The following SCAPER variants were observed in gnomAD, a reference collection of about 807,000 sequenced individuals.
SCAPER encodes the protein S-phase cyclin A associated protein in the ER.
SCAPER carries 98 observed loss-of-function variants against 182.2 expected under a neutral mutation model. That is an observed-to-expected ratio of 0.54 (90% CI 0.46 to 0.64). The LOEUF is 0.64. Ranked by LOEUF, SCAPER falls within the 30% of genes least tolerant of loss-of-function variation. The pLI is 0.00. For missense variants in SCAPER, 1,432 were observed against 1,690.0 expected (o/e 0.85, Z 2.68); for synonymous variants, 605 against 564.6 (o/e 1.07, Z -1.01).
chr15:76,547,177 C>T (rs1463506331), intron 23 of SCAPER, among the ~76,000 whole-genome samples: 5 of 152,114 alleles, frequency 3.3e-5, no homozygotes, highest in South Asian at 4.1e-4. Context: ...TACAGGTTTC[C>T]GTTTCCCCAT....
rs528957516 is a variant in SCAPER, at chr15:76,850,382, A to G, written c.195+7427T>C. Reference sequence around the variant, plus strand: ...TGAATGCAGAACAGTCACCCCAGCCATGGCTGAGCATACCCACTGTTAGTG... The same window carrying G: ...TGAATGCAGAACAGTCACCCCAGCCGTGGCTGAGCATACCCACTGTTAGTG... On this transcript the variant is annotated intron_variant, in intron 4 of 31. Coordinates refer to ENST00000563290, the MANE Select transcript of SCAPER (RefSeq NM_020843.4). Among the ~76,000 whole-genome samples the G allele has an allele frequency of 2.0e-5, 3 of 152,322 alleles. No individual in the cohort carries two copies. The East Asian group carries it at 5.8e-4, about 29-fold the overall frequency.
At chr15:76,521,674 C>T (rs2042848386) in intron 23 of SCAPER, among the ~76,000 whole-genome samples, 1 of 152,132 alleles carries the variant, frequency 6.6e-6, no homozygotes, top group African/African-American at 2.4e-5. Flanking sequence ...AAAAACACAA[C>T]TTGTTGAAAT....
chr15:76,409,395 GTCTC>G lies in SCAPER; in HGVS notation c.3312-4720_3312-4717del, dbSNP rs145678923. Among the ~76,000 whole-genome samples the G allele has an allele frequency of 1.1e-4, 16 of 152,150 alleles. No individual in the cohort carries two copies. The East Asian group carries it at 3.1e-3, about 29-fold the overall frequency. On this transcript the variant is annotated intron_variant, in intron 26 of 31. Transcript: ENST00000563290. ...GCTGCTGTAAATGATAAATAAATGG[GTCTC>G]TCCATTTGCTTTGCCATTTGAAATT...
intron 7 of SCAPER, among the ~76,000 whole-genome samples, chr15:76,799,016 T>C (rs375141245): frequency 6.6e-6 from 1 of 152,178 alleles, no homozygotes; most frequent in Non-Finnish European, 1.5e-5. Flanking sequence ...ATGTAGTTTT[T>C]GTTTGTAGCT....
At chr15:76,589,118 T>C (rs563112839) in intron 22 of SCAPER, among the ~76,000 whole-genome samples, 20 of 152,226 alleles carry the variant, frequency 1.3e-4, no homozygotes, top group Non-Finnish European at 2.8e-4. Context: ...GCTGTGGAGA[T>C]GGCAAGGGAA....
Position 76,522,540 on chromosome 15 carries a change from C to T in SCAPER, c.2839-17566G>A, listed in dbSNP as rs140238503. Among the ~76,000 whole-genome samples, 40 of 152,218 alleles carry T rather than the reference C, an allele frequency of 2.6e-4. 1 individual carries two copies. The highest frequency in any genetic ancestry group is 7.2e-4 in the Admixed American group (11 of 15,290). On this transcript the variant is annotated intron_variant, in intron 23 of 31. Transcript: ENST00000563290. ...CAAGATGTGAAAAATATGGACTGTA[C>T]AGAGATTGTTGAAATACATACAAGC...
intron 21 of SCAPER, among the ~76,000 whole-genome samples, chr15:76,656,783 G>T (rs1865185924): frequency 6.6e-6 from 1 of 152,100 alleles, no homozygotes; most frequent in African/African-American, 2.4e-5. Flanking sequence ...TAAACAACCT[G>T]CTCCCAAATG....
intron 23 of SCAPER, among the ~76,000 whole-genome samples, chr15:76,564,603 A>C (rs2046889106): frequency 6.6e-6 from 1 of 152,238 alleles, no homozygotes; most frequent in East Asian, 1.9e-4. Flanking sequence ...GCAATTTATT[A>C]GATTCAATGC....
chr15:76,466,419 C>CTTTTTTTTTTTTTTTTTT lies in SCAPER; in HGVS notation c.3078+4775_3078+4792dup. 1.6e-3 allele frequency among the ~76,000 whole-genome samples: 61 copies of CTTTTTTTTTTTTTTTTTT among 37,414 alleles called. 1 individual carries two copies. The highest frequency in any genetic ancestry group is 3.5e-3 in the East Asian group (3 of 858). 24.5% of individuals were successfully genotyped at this position (37,414 alleles called of 152,430 possible). A position where few individuals can be genotyped will look rare whatever the true frequency, so the allele number is the denominator to read the frequency against. ...TCAGTTCCAAAATTGGTTGGTTCTT[C>CTTTTTTTTTTTTTTTTTT]TTTTTTTTTTTTTTTTTTTTTTTGT... On this transcript the variant is annotated intron_variant, in intron 25 of 31. Coordinates refer to ENST00000563290, the MANE Select transcript of SCAPER (RefSeq NM_020843.4).
chr15:76,587,847 A>G (rs543326682), intron 22 of SCAPER, among the ~76,000 whole-genome samples: 3 of 151,808 alleles, frequency 2.0e-5, no homozygotes, highest in Admixed American at 1.3e-4. Flanking sequence ...TGTCTTGATG[A>G]CCTGCCTAGT....
intron 26 of SCAPER, among the ~76,000 whole-genome samples, chr15:76,423,648 T>C (rs1253374303): frequency 6.6e-6 from 1 of 152,202 alleles, no homozygotes; most frequent in African/African-American, 2.4e-5. Context: ...TAGTTATTTC[T>C]TGCCTTCTGC....
rs111393460 is a variant in SCAPER at position 76,671,974 on chromosome 15, A to T, written c.2509-6185T>A. ...AAGTGAGAGGGGCTCTGGCGACTTC[A>T]ATAGGAGGTGAGTAAATGGTCCTTG... On this transcript the variant is annotated intron_variant, in intron 20 of 31. Coordinates refer to ENST00000563290, the MANE Select transcript of SCAPER (RefSeq NM_020843.4). Among the ~76,000 whole-genome samples, 1,203 of 152,240 alleles carry T rather than the reference A, an allele frequency of 7.9e-3. 11 individuals are homozygous for T. Among genetic ancestry groups the T allele is most frequent in the African/African-American group, 0.028 (1,143 of 41,536 alleles).
intron 25 of SCAPER, among the ~76,000 whole-genome samples, chr15:76,434,793 T>C (rs2047087919): frequency 6.6e-6 from 1 of 152,218 alleles, no homozygotes; most frequent in African/African-American, 2.4e-5. Context: ...AAAATAGTTC[T>C]TTCCCTAGTA....
chr15:76,856,493 T>C (rs766173581), intron 4 of SCAPER, among the ~76,000 whole-genome samples: 1 of 150,864 alleles, frequency 6.6e-6, no homozygotes, highest in Non-Finnish European at 1.5e-5. Flanking sequence ...TATATTTTTA[T>C]ATGTATATAT....
chr15:76,750,451 G>C (rs2062024979), intron 15 of SCAPER, among the ~76,000 whole-genome samples: 3 of 151,782 alleles, frequency 2.0e-5, no homozygotes, highest in Admixed American at 2.0e-4. Context: ...GCATTACCCT[G>C]ATACCAAAAC....
intron 26 of SCAPER, among the ~76,000 whole-genome samples, chr15:76,429,979 G>A (rs2046755643): frequency 6.6e-6 from 1 of 152,182 alleles, no homozygotes; most frequent in South Asian, 2.1e-4. Flanking sequence ...GCTCTGTGCA[G>A]TCTAGGGACT....
In SCAPER at chr15:76,510,012, T is replaced by C. The variant is rs376484053; in HGVS notation, c.2839-5038A>G. Among the ~76,000 whole-genome samples, 22 of 152,314 alleles carry C rather than the reference T, an allele frequency of 1.4e-4. No homozygotes were observed. In the East Asian group the frequency reaches 3.1e-3, roughly 21 times the overall value. On this transcript the variant is annotated intron_variant, in intron 23 of 31. Transcript: ENST00000563290. ...ATTCAACAAATGGTGCTGGGATAAT[T>C]GGCAAGCCACATGTAGGAGAATGAA...
intron 5 of SCAPER, among the ~76,000 whole-genome samples, chr15:76,807,814 T>C (rs1185822046): frequency 6.6e-6 from 1 of 152,054 alleles, no homozygotes; most frequent in Non-Finnish European, 1.5e-5. Flanking sequence ...TTTTTAATTA[T>C]AAACTCAGTT....
At chr15:76,446,834 G>T in intron 25 of SCAPER, among the ~76,000 whole-genome samples, 1 of 152,044 alleles carries the variant, frequency 6.6e-6, no homozygotes, top group East Asian at 1.9e-4. Context: ...ATGATTTTTT[G>T]ACTTTATCAT....
Sources: allele counts gnomAD v4.1 joint callset (sites outside exome capture counted in the v4.1 genomes callset), GRCh38; gene constraint gnomAD v4.1.1; transcripts MANE v1.5; gene names NCBI Gene and HGNC (gene_info 2026-07-23, HGNC 2026-07-21).